CENPC: variants seen among roughly 807,000 people sequenced by gnomAD.
The protein encoded by CENPC is CENP-C 1.
Under a neutral mutation model 112.1 loss-of-function variants are expected in CENPC, and 63 were observed. That is an observed-to-expected ratio of 0.56 (90% CI 0.46 to 0.69). CENPC has a LOEUF of 0.69. Ranked by LOEUF, CENPC falls within the 30% of genes least tolerant of loss-of-function variation. CENPC has a pLI of 0.00. For missense variants in CENPC, 1,000 were observed against 1,103.8 expected, an observed-to-expected ratio of 0.91 and a Z score of 1.33; for synonymous variants, 333 against 367.6, an observed-to-expected ratio of 0.91 and a Z score of 1.08.
intron 7 of CENPC, among the ~76,000 whole-genome samples, chr4:67,516,536 C>T (rs543879843): frequency 6.6e-6 from 1 of 152,080 alleles, no homozygotes; most frequent in South Asian, 2.1e-4. Context: ...TTCCTCTAAT[C>T]GCAAACTCCT....
intron 7 of CENPC, among the ~76,000 whole-genome samples, chr4:67,517,702 G>T (rs1560435987): frequency 6.6e-6 from 1 of 151,960 alleles, no homozygotes. Flanking sequence ...GACAGGCGTG[G>T]TGGCAGGTGC....
Position 67,509,045 on chromosome 4 carries a change from C to T in CENPC, c.1673G>A (p.Arg558Gln), listed in dbSNP as rs752714819. ...NELPMHHNSS[R>Q]KSTKKTNQSS... ...CTGATTTGTTTTCTTAGTAGATTTT[C>T]GGCTACTATTGTGATGCATTGGTAA... The change falls in exon 10 of 19, where the codon CGA becomes CAA. Residue 558 changes from arginine to glutamine, a missense_variant. By Grantham distance (43) the Arg-to-Gln change is conservative (BLOSUM62 1). Transcript: ENST00000273853. The T allele has an allele frequency of 6.2e-6, 10 of 1,611,732 alleles. No homozygotes were observed. The highest frequency in any genetic ancestry group is 5.0e-5 in the Admixed American group (3 of 59,806).
rs1420066102 is a variant in CENPC at position 67,539,404 on chromosome 4, A to C, written c.231+436T>G. On this transcript the variant is annotated intron_variant, in intron 4 of 18. Transcript: ENST00000273853. ...TACTTTATTTGAAAGTCTGCTACTT[A>C]GTATAGTTAAGTCAACCAATACTTT... Among the ~76,000 whole-genome samples, 6 of 152,204 alleles carry C rather than the reference A, an allele frequency of 3.9e-5. No individual in the cohort carries two copies. In the East Asian group the frequency reaches 1.2e-3, roughly 29 times the overall value.
chr4:67,486,709 A>C (rs1317638455), intron 17 of CENPC, among the ~76,000 whole-genome samples: 1 of 152,210 alleles, frequency 6.6e-6, no homozygotes, highest in Non-Finnish European at 1.5e-5. Flanking sequence ...ACTACAACAA[A>C]GAAGTATCTA....
At position 67,539,945 on chromosome 4, in the gene CENPC, A is replaced by G; in HGVS notation, c.137-11T>C. On this transcript the variant is annotated splice_polypyrimidine_tract_variant and intron_variant, in intron 3 of 18. Coordinates refer to ENST00000273853, the MANE Select transcript of CENPC (RefSeq NM_001812.4). Reference sequence around the variant, plus strand: ...AATCATTGGCAAGACCTAAAACAAAAGTATGAAATTTTCAAAAACAAGATA... The same window carrying G: ...AATCATTGGCAAGACCTAAAACAAAGGTATGAAATTTTCAAAAACAAGATA... The G allele has an allele frequency of 6.9e-7, 1 of 1,440,000 alleles. No homozygotes were observed. Among genetic ancestry groups the G allele is most frequent in the Non-Finnish European group, 9.3e-7 (1 of 1,077,438 alleles). 89.2% of individuals were successfully genotyped at this position (1,440,000 alleles called of 1,614,324 possible). A position where few individuals can be genotyped will look rare whatever the true frequency, so the allele number is the denominator to read the frequency against.
At chr4:67,506,738 G>GC (rs772469826) in intron 11 of CENPC, 50 bp downstream of exon 11, 33 of 1,380,646 alleles carry the variant, frequency 2.4e-5, no homozygotes, top group Non-Finnish European at 3.1e-5. Context: ...CTGTTATACA[G>GC]CAATGGGTAA....
chr4:67,502,428 A>G (rs1271606793), intron 12 of CENPC, among the ~76,000 whole-genome samples: 1 of 152,222 alleles, frequency 6.6e-6, no homozygotes, highest in Non-Finnish European at 1.5e-5. Flanking sequence ...AAAAGAAAGC[A>G]GAAGTCACAA....
chr4:67,483,312 C>T (rs113202590), intron 17 of CENPC, among the ~76,000 whole-genome samples: 114 of 151,828 alleles, frequency 7.5e-4, no homozygotes, highest in African/African-American at 2.3e-3. Flanking sequence ...GGGCTGATAT[C>T]GTGCCACTCC....
In CENPC at chr4:67,501,709, T is replaced by C. The variant is rs572840595; in HGVS notation, c.2131+3496A>G. Among the ~76,000 whole-genome samples, 65 of 152,306 alleles carry C rather than the reference T, an allele frequency of 4.3e-4. 1 individual carries two copies. The highest frequency in any genetic ancestry group is 4.2e-3 in the Admixed American group (65 of 15,304). On this transcript the variant is annotated intron_variant, in intron 12 of 18. Coordinates refer to ENST00000273853, the MANE Select transcript of CENPC (RefSeq NM_001812.4). ...CTTATTTGTATGGTTCGAGGGTAGT[T>C]ATATCCTTGTCTTGCTGAAATACAT... is the stretch of plus-strand genomic sequence containing the variant.
At chr4:67,488,052 A>G (rs1170955339) in intron 17 of CENPC, among the ~76,000 whole-genome samples, 1 of 151,802 alleles carries the variant, frequency 6.6e-6, no homozygotes, top group Non-Finnish European at 1.5e-5. Context: ...AAGAAATAAA[A>G]TCAACTAAAA....
chr4:67,523,130 G>C (rs1360345411), intron 5 of CENPC, among the ~76,000 whole-genome samples: 1 of 152,020 alleles, frequency 6.6e-6, no homozygotes, highest in Non-Finnish European at 1.5e-5. Context: ...TGGCTAACAT[G>C]ATGAAGCCCC....
chr4:67,491,510 GAGA>G, intron 16 of CENPC, among the ~76,000 whole-genome samples: 1 of 138,306 alleles, frequency 7.2e-6, no homozygotes, highest in African/African-American at 2.6e-5. Context: ...GAGAGAGAGA[GAGA>G]GAGAGAGAGA....
intron 17 of CENPC, among the ~76,000 whole-genome samples, chr4:67,483,639 G>A (rs1225190720): frequency 6.6e-6 from 1 of 152,088 alleles, no homozygotes; most frequent in East Asian, 1.9e-4. Flanking sequence ...GGAGATGACA[G>A]CTCCATGTGT....
At chr4:67,509,256 A>ACC (rs1725829871) in intron 9 of CENPC, among the ~76,000 whole-genome samples, 151 bp from the exon 10 acceptor site, 1 of 143,172 alleles carries the variant, frequency 7.0e-6, no homozygotes, top group Non-Finnish European at 1.5e-5. Flanking sequence ...ACACACACAC[A>ACC]TCTCAGGCTA....
At chr4:67,526,135 G>C (rs1719735618) in intron 5 of CENPC, among the ~76,000 whole-genome samples, 1 of 152,034 alleles carries the variant, frequency 6.6e-6, no homozygotes, top group Non-Finnish European at 1.5e-5. Context: ...ATGGACACAG[G>C]GAGGGAAACA....
intron 16 of CENPC, among the ~76,000 whole-genome samples, chr4:67,490,873 TATATAGAA>T (rs1276698553): frequency 1.3e-4 from 7 of 54,556 alleles, no homozygotes; most frequent in African/African-American, 6.6e-4. Flanking sequence ...TATATATATA[TATATAGAA>T]ATATATAGAA....
At chr4:67,506,620 G>A (rs369011538) in intron 11 of CENPC, among the ~76,000 whole-genome samples, 168 bp downstream of exon 11, 35 of 152,264 alleles carry the variant, frequency 2.3e-4, no homozygotes, top group South Asian at 1.7e-3. Context: ...GAGAATATCC[G>A]AGCCAAAACT....
chr4:67,537,505 T>C (rs960711556), intron 4 of CENPC, among the ~76,000 whole-genome samples: 17 of 152,104 alleles, frequency 1.1e-4, no homozygotes, highest in African/African-American at 3.9e-4. Flanking sequence ...AGAAAAATTT[T>C]AAAATGGCCG....
At chr4:67,492,454 T>C (rs926017763) in intron 15 of CENPC, among the ~76,000 whole-genome samples, 179 bp from the exon 16 acceptor site, 1 of 152,154 alleles carries the variant, frequency 6.6e-6, no homozygotes, top group Non-Finnish European at 1.5e-5. Flanking sequence ...CCCATAATGA[T>C]TTAATATAAA....
Sources: gnomAD v4.1 joint callset for allele counts (sites outside exome capture counted in the v4.1 genomes callset) on GRCh38, gnomAD v4.1.1 for gene constraint, MANE v1.5 for transcripts, NCBI Gene and HGNC (gene_info 2026-07-23, HGNC 2026-07-21) for gene names.